RANGAP1: variants seen among roughly 807,000 people sequenced by gnomAD.
The protein encoded by RANGAP1 is Ran GTPase activating protein 1, also known as ran GTPase-activating protein 1.
RANGAP1 carries 38 observed loss-of-function variants against 63.5 expected under a neutral mutation model. That is an observed-to-expected ratio of 0.60 (90% CI 0.46 to 0.78). The LOEUF is 0.78. Among genes scored for constraint, RANGAP1 ranks in the 30% least tolerant of loss-of-function variants. The pLI, the probability that RANGAP1 is intolerant of heterozygous loss-of-function variation, is 0.00. For synonymous variants in RANGAP1, 329 were observed against 310.5 expected (o/e 1.06, Z -0.63); for missense variants, 630 against 740.3 (o/e 0.85, Z 1.73).
intron 12 of RANGAP1, among the ~76,000 whole-genome samples, chr22:41,252,655 T>G (rs1055430703): frequency 1.3e-5 from 2 of 152,174 alleles, no homozygotes; most frequent in Non-Finnish European, 2.9e-5. Flanking sequence ...TGGCGGGCTG[T>G]ACTTTCTGTA....
Position 41,254,479 on chromosome 22 carries a change from C to G in RANGAP1, c.1089G>C (p.Glu363Asp). The change falls in exon 11 of 16, where the codon GAG becomes GAC. Residue 363 changes from glutamate to aspartate, a missense_variant. This residue lies in a region of RANGAP1 where 428 missense variants were observed against 465.5 expected (regional missense o/e 0.92). Coordinates refer to ENST00000356244, the MANE Select transcript of RANGAP1 (RefSeq NM_002883.4). ...VLASLSDDED[E>D]EEEEEGEEEE... ...CCTCTTCTCCTTCCTCCTCCTCCTC[C>G]TCGTCCTCGTCATCACTGCAGAAAG... 1.3e-6 allele frequency: 2 copies of G among 1,589,746 alleles called. No homozygotes were observed. The highest frequency in any genetic ancestry group is 1.3e-5 in the African/African-American group (1 of 74,612).
chr22:41,278,820 G>A (rs1054339747), intron 2 of RANGAP1, among the ~76,000 whole-genome samples: 5 of 152,176 alleles, frequency 3.3e-5, no homozygotes, highest in African/African-American at 1.2e-4. Flanking sequence ...GGCCAACATG[G>A]CAAAACCCCG....
chr22:41,270,112 G>A (rs1022140715), intron 3 of RANGAP1, among the ~76,000 whole-genome samples: 1 of 152,060 alleles, frequency 6.6e-6, no homozygotes, highest in African/African-American at 2.4e-5. Context: ...TGGGATTACA[G>A]GCGTGAGCCA....
chr22:41,297,256 T>C, the RANGAP1 span, among the ~76,000 whole-genome samples: 2 of 152,106 alleles, frequency 1.3e-5, no homozygotes, highest in African/African-American at 4.8e-5. Context: ...AAGGCCATCA[T>C]GGAGGAGGAA....
upstream of RANGAP1, among the ~76,000 whole-genome samples, chr22:41,290,158 A>AAGAG (rs1217806089): frequency 1.4e-3 from 193 of 138,680 alleles, 2 homozygotes; most frequent in African/African-American, 4.7e-3. Context: ...AAAAAAAAAA[A>AAGAG]AGAGAGAGAG....
At chr22:41,294,976 G>A in the RANGAP1 span, among the ~76,000 whole-genome samples, 1 of 127,184 alleles carries the variant, frequency 7.9e-6, no homozygotes, top group Non-Finnish European at 1.7e-5. Flanking sequence ...TGGGAGGGAG[G>A]TGGGGGATCA....
At chr22:41,282,149 T>C (rs2035527170) in intron 1 of RANGAP1, 1 of 151,810 alleles carries the variant, frequency 6.6e-6, no homozygotes. Flanking sequence ...AAAATAAAAA[T>C]TAGCTGGGTG....
chr22:41,274,485 G>T, intron 3 of RANGAP1, 115 bp downstream of exon 3: 1 of 1,473,316 alleles, frequency 6.8e-7, no homozygotes, highest in Admixed American at 2.0e-5. Context: ...GAGCTGCTTG[G>T]GGTACAGCCA....
At chr22:41,287,393 T>TGAGA, upstream of RANGAP1, among the ~76,000 whole-genome samples, 1 of 151,792 alleles carries the variant, frequency 6.6e-6, no homozygotes. Context: ...TTTTTTTTTT[T>TGAGA]TGAGATGGAG....
intron 3 of RANGAP1, 30 bp downstream of exon 3, chr22:41,274,570 G>T: frequency 6.2e-7 from 1 of 1,613,160 alleles, no homozygotes; most frequent in Non-Finnish European, 8.5e-7. Context: ...GTTCAAACCA[G>T]CCTGGGCCTA....
chr22:41,282,468 C>T (rs1293885761), intron 1 of RANGAP1: 2 of 152,186 alleles, frequency 1.3e-5, no homozygotes, highest in East Asian at 3.9e-4. Flanking sequence ...TACAGGCACC[C>T]ACCACCATGT....
intron 10 of RANGAP1, among the ~76,000 whole-genome samples, chr22:41,255,759 G>A (rs2033790307): frequency 6.6e-6 from 1 of 151,974 alleles, no homozygotes; most frequent in Non-Finnish European, 1.5e-5. Context: ...TACGTAACAG[G>A]AGTGCACCCA....
chr22:41,294,143 A>G, the RANGAP1 span, among the ~76,000 whole-genome samples: 166 of 151,600 alleles, frequency 1.1e-3, no homozygotes, highest in African/African-American at 3.9e-3. Flanking sequence ...GCTCACTGCA[A>G]CCTCCCTGCC....
upstream of RANGAP1, among the ~76,000 whole-genome samples, chr22:41,288,089 C>T (rs1535048): frequency 0.29 from 43,932 of 152,102 alleles, 7,370 homozygotes; most frequent in Admixed American, 0.5. Context: ...GGCATCATTA[C>T]CACCCTTCCC....
intron 2 of RANGAP1, chr22:41,280,654 G>A: frequency 7.4e-7 from 1 of 1,355,536 alleles, no homozygotes; most frequent in Non-Finnish European, 9.7e-7. Flanking sequence ...CTTGGGACTG[G>A]CACTAACTGT....
intron 1 of RANGAP1, chr22:41,285,394 G>T: frequency 1.6e-6 from 1 of 643,974 alleles, no homozygotes; most frequent in Non-Finnish European, 1.9e-6. Context: ...GCACAGAAAC[G>T]TAAATTGATT....
intron 6 of RANGAP1, among the ~76,000 whole-genome samples, chr22:41,260,073 G>A (rs2034076311): frequency 2.0e-5 from 3 of 152,032 alleles, no homozygotes; most frequent in African/African-American, 7.3e-5. Flanking sequence ...GTAGTCACAG[G>A]CCTTTCTAAT....
In RANGAP1 at chr22:41,249,391, T is replaced by C. The variant is rs745869880; in HGVS notation, c.1633A>G (p.Met545Val). 2 of 1,613,842 alleles carry C rather than the reference T, an allele frequency of 1.2e-6. No homozygotes were observed. The highest frequency in any genetic ancestry group is 1.3e-5 in the African/African-American group (1 of 74,926). The part of the protein sequence containing the change: ...LYGPLMALNH[M>V]VQQDYFPKAL... ...TTGGGGAAATAGTCCTGCTGCACCA[T>C]GTGGTTCAGCGCCATCAGGGGGCCG... Residue 545 changes from methionine (M) to valine (V), a missense_variant, in exon 15 of 16, where the codon ATG becomes GTG. Coordinates refer to ENST00000356244, the MANE Select transcript of RANGAP1 (RefSeq NM_002883.4).
At position 41,258,098 on chromosome 22, in the gene RANGAP1, C is replaced by T; in HGVS notation, c.624G>A (p.Gly208=). The change falls in exon 7 of 16, where the codon GGG becomes GGA. Residue 208 remains glycine (G), a synonymous_variant. Coordinates refer to ENST00000356244, the MANE Select transcript of RANGAP1 (RefSeq NM_002883.4). ...TALAEAFRVI[G]TLEEVHMPQN... Reference sequence around the variant, plus strand: ...GTGGCATGTGGACCTCCTCCAGGGTCCCGATGACCTGTGAAGAGGAGGCAG... The same window carrying T: ...GTGGCATGTGGACCTCCTCCAGGGTTCCGATGACCTGTGAAGAGGAGGCAG... The T allele has an allele frequency of 6.2e-7, 1 of 1,606,462 alleles. No homozygotes were observed. Among genetic ancestry groups the T allele is most frequent in the Non-Finnish European group, 8.5e-7 (1 of 1,175,288 alleles).
Sources: allele counts gnomAD v4.1 joint callset (sites outside exome capture counted in the v4.1 genomes callset), GRCh38; gene constraint gnomAD v4.1.1; regional missense constraint gnomAD v4.1.1; transcripts MANE v1.5; gene names NCBI Gene and HGNC (gene_info 2026-07-23, HGNC 2026-07-21).